Variants in ELMOD2 observed in about 807,000 individuals in gnomAD.
ELMOD2 encodes ELMO domain containing 2, also known as ELMO domain-containing protein 2.
A neutral mutation model predicts 41.0 loss-of-function variants in ELMOD2; 28 were observed. That is an observed-to-expected ratio of 0.68 (90% CI 0.51 to 0.94). The LOEUF (loss-of-function observed/expected upper bound fraction) is 0.94, where lower values mean the gene tolerates loss of function less well. Ranked by LOEUF, ELMOD2 falls within the 40% of genes least tolerant of loss-of-function variation. The pLI, the probability that ELMOD2 is intolerant of heterozygous loss-of-function variation, is 0.00. For synonymous variants in ELMOD2, 106 were observed against 107.2 expected, an observed-to-expected ratio of 0.99 and a Z score of 0.07; for missense variants, 333 against 343.1, an observed-to-expected ratio of 0.97 and a Z score of 0.23.
chr4:140,535,628 T>C, intron 3 of ELMOD2, 105 bp from the exon 4 acceptor site: 3 of 1,017,230 alleles, frequency 2.9e-6, no homozygotes, highest in Non-Finnish European at 4.4e-6. Context: ...TGGGTTTATT[T>C]TGCATTTTTA....
intron 8 of ELMOD2, among the ~76,000 whole-genome samples, chr4:140,549,688 T>A (rs1463024094): frequency 4.7e-5 from 6 of 128,162 alleles, no homozygotes; most frequent in Non-Finnish European, 4.9e-5. Flanking sequence ...CATCTTTTTT[T>A]TTTTTTTTTT....
intron 4 of ELMOD2, 143 bp from the exon 5 acceptor site, chr4:140,537,269 G>A: frequency 1.6e-6 from 1 of 615,110 alleles, no homozygotes; most frequent in South Asian, 2.9e-5. Context: ...ATAATGTTTT[G>A]TATTTAAGGT....
At position 140,553,556 on chromosome 4, in the gene ELMOD2, A is replaced by G. The variant is rs2110896191; in HGVS notation, c.*3181A>G. 6.6e-6 allele frequency: 1 copy of G among 152,256 alleles called. No homozygotes were observed. The highest frequency in any genetic ancestry group is 2.1e-4 in the South Asian group (1 of 4,832). 9.4% of individuals were successfully genotyped at this position (152,256 alleles called of 1,614,324 possible). A position where few individuals can be genotyped will look rare whatever the true frequency, so the allele number is the denominator to read the frequency against. On this transcript the variant is annotated 3_prime_UTR_variant, in exon 9 of 9. Transcript: ENST00000323570. ...TTTAAATGTAGTACAGGTTAGACCC[A>G]ACTACTACCTTACTATTATAGGACG...
At position 140,552,768 on chromosome 4, in the gene ELMOD2, A is replaced by G. The variant is rs914884757; in HGVS notation, c.*2393A>G. On this transcript the variant is annotated 3_prime_UTR_variant, in exon 9 of 9. Coordinates refer to ENST00000323570, the MANE Select transcript of ELMOD2 (RefSeq NM_153702.4). ...GTTTTAGCATCAAAAAAGTAAATAGATGTTGAAATGAATTTTTGTATGTGC... is the reference window on the plus strand; with the variant it reads ...GTTTTAGCATCAAAAAAGTAAATAGGTGTTGAAATGAATTTTTGTATGTGC... 4 of 152,120 alleles carry G rather than the reference A, an allele frequency of 2.6e-5. No individual in the cohort carries two copies. Among genetic ancestry groups the G allele is most frequent in the African/African-American group, 7.2e-5 (3 of 41,446 alleles). 9.4% of individuals were successfully genotyped at this position (152,120 alleles called of 1,614,324 possible). A position where few individuals can be genotyped will look rare whatever the true frequency, so the allele number is the denominator to read the frequency against.
intron 2 of ELMOD2, among the ~76,000 whole-genome samples, chr4:140,527,062 C>A (rs1243438649): frequency 6.6e-6 from 1 of 152,146 alleles, no homozygotes; most frequent in Non-Finnish European, 1.5e-5. Context: ...TGGTTGCTAT[C>A]ACCTCAAATC....
intron 7 of ELMOD2, 129 bp downstream of exon 7, chr4:140,542,771 T>C (rs1382372711): frequency 1.5e-6 from 1 of 646,164 alleles, no homozygotes; most frequent in Non-Finnish European, 2.4e-6. Flanking sequence ...TTAAAGGATA[T>C]TACATGATAC....
At chr4:140,525,322 G>C (rs891099106) in intron 1 of ELMOD2, 98 bp from the exon 2 acceptor site, 2 of 1,257,768 alleles carry the variant, frequency 1.6e-6, no homozygotes, top group African/African-American at 1.5e-5. Context: ...TGAAATGATA[G>C]ATACATAATT....
Position 140,550,842 on chromosome 4 carries a change from G to T in ELMOD2, c.*467G>T. On this transcript the variant is annotated 3_prime_UTR_variant, in exon 9 of 9. Transcript: ENST00000323570. ...TAATTAACAGCAAGTGTTTCTTTATGGTTTTCTTTGTTTGCATCTTAATTA... is the reference window on the plus strand; with the variant it reads ...TAATTAACAGCAAGTGTTTCTTTATTGTTTTCTTTGTTTGCATCTTAATTA... 6.6e-6 allele frequency: 1 copy of T among 152,232 alleles called. No homozygotes were observed. Among genetic ancestry groups the T allele is most frequent in the Admixed American group, 6.6e-5 (1 of 15,240 alleles). 9.4% of individuals were successfully genotyped at this position (152,232 alleles called of 1,614,324 possible).
Position 140,550,401 on chromosome 4 carries a change from A to G in ELMOD2, c.*26A>G, listed in dbSNP as rs373205861. The stretch of plus-strand genomic sequence containing the variant: ...ATCATCCACTGTATCTTCTATTTCT[A>G]CCACATTTTGCACATTCAACAGAAT... On this transcript the variant is annotated 3_prime_UTR_variant, in exon 9 of 9. Transcript: ENST00000323570. 7 of 1,569,888 alleles carry G rather than the reference A, an allele frequency of 4.5e-6. No homozygotes were observed. The African/African-American group carries it at 6.9e-5, about 15-fold the overall frequency.
At chr4:140,545,243 A>G (rs1238795730) in intron 8 of ELMOD2, among the ~76,000 whole-genome samples, 7 of 151,972 alleles carry the variant, frequency 4.6e-5, no homozygotes, top group Non-Finnish European at 1.0e-4. Context: ...AAACATTATC[A>G]TGACTTTTCT....
intron 8 of ELMOD2, among the ~76,000 whole-genome samples, chr4:140,545,158 A>G (rs1281576039): frequency 6.6e-6 from 1 of 152,134 alleles, no homozygotes; most frequent in Non-Finnish European, 1.5e-5. Flanking sequence ...GCCTAATACA[A>G]TCGCCATGTT....
rs1560823014 is a variant in ELMOD2, at chr4:140,527,551, T to TCCA, written c.171+57_171+58insCCA. 8.4e-6 allele frequency: 8 copies of TCCA among 952,538 alleles called. No individual in the cohort carries two copies. The African/African-American group carries it at 1.4e-4, about 17-fold the overall frequency. 59.0% of individuals were successfully genotyped at this position (952,538 alleles called of 1,614,324 possible). A position where few individuals can be genotyped will look rare whatever the true frequency, so the allele number is the denominator to read the frequency against. ...AACTTAACGTGGACATATTTTTTCTTAAAAAAAAAAAAGTGCCCTGCTAGA... is the reference window on the plus strand; with the variant it reads ...AACTTAACGTGGACATATTTTTTCTTCCAAAAAAAAAAAAAGTGCCCTGCTAGA... On this transcript the variant is annotated intron_variant, in intron 3 of 8. Transcript: ENST00000323570.
Position 140,540,401 on chromosome 4 carries a change from T to A in ELMOD2, c.533+100T>A, listed in dbSNP as rs146888299. 7 of 1,437,606 alleles carry A rather than the reference T, an allele frequency of 4.9e-6. No homozygotes were observed. The Admixed American group carries it at 6.3e-5, about 13-fold the overall frequency. The allele number at this position is 1,437,606 out of a possible 1,614,324, so 89.1% of individuals were successfully genotyped here. On this transcript the variant is annotated intron_variant, in intron 6 of 8. Coordinates refer to ENST00000323570, the MANE Select transcript of ELMOD2 (RefSeq NM_153702.4). ...GAAGTGATCTAGTTGATTCATACTA[T>A]CTCTGAATTTTAATAACTGCAGTGC... is the stretch of plus-strand genomic sequence containing the variant.
At position 140,551,930 on chromosome 4, in the gene ELMOD2, G is replaced by T. The variant is rs1735480563; in HGVS notation, c.*1555G>T. ...TAAGATAAAATTATTTTAAAAATTT[G>T]GTTCACTTTATTACAATAGTGGCAA... On this transcript the variant is annotated 3_prime_UTR_variant, in exon 9 of 9. Transcript: ENST00000323570. 1 of 151,876 alleles carries T rather than the reference G, an allele frequency of 6.6e-6. No homozygotes were observed. Among genetic ancestry groups the T allele is most frequent in the Non-Finnish European group, 1.5e-5 (1 of 67,870 alleles). 9.4% of individuals were successfully genotyped at this position (151,876 alleles called of 1,614,324 possible). A position where few individuals can be genotyped will look rare whatever the true frequency, so the allele number is the denominator to read the frequency against.
chr4:140,543,654 T>C, intron 8 of ELMOD2, 68 bp downstream of exon 8: 3 of 1,197,652 alleles, frequency 2.5e-6, no homozygotes, highest in Non-Finnish European at 3.4e-6. Context: ...GAATGTATAA[T>C]ATATATTTTA....
chr4:140,524,530 G>A (rs200597474), intron 1 of ELMOD2: 1 of 925,852 alleles, frequency 1.1e-6, no homozygotes, highest in Non-Finnish European at 1.3e-6. Flanking sequence ...CTGCGCTTTT[G>A]TCCTAATGAG....
At chr4:140,525,948 A>T (rs906285348) in intron 2 of ELMOD2, among the ~76,000 whole-genome samples, 8 of 152,192 alleles carry the variant, frequency 5.3e-5, no homozygotes, top group Non-Finnish European at 8.8e-5. Context: ...ATCCTTCATC[A>T]GTCTTTTACT....
At position 140,542,585 on chromosome 4, in the gene ELMOD2, A is replaced by C. The variant is rs768437575; in HGVS notation, c.545A>C (p.Glu182Ala). Residue 182 changes from glutamate (E) to alanine (A), a missense_variant, in exon 7 of 9, where the codon GAA becomes GCA. By Grantham distance (107) the Glu-to-Ala change is moderately radical. Coordinates refer to ENST00000323570, the MANE Select transcript of ELMOD2 (RefSeq NM_153702.4). ...CTTAAACTTTTTAGGTATTTCAGTG[A>C]AAATTACACTAGTGAAGCTCATCAG... ...LGLINLVYFS[E>A]NYTSEAHQIL... is the part of the protein sequence containing the mutation. 1 of 1,604,944 alleles carries C rather than the reference A, an allele frequency of 6.2e-7. No individual in the cohort carries two copies. The highest frequency in any genetic ancestry group is 1.1e-5 in the South Asian group (1 of 89,526).
chr4:140,526,702 C>T (rs1387270802), intron 2 of ELMOD2: 2 of 152,206 alleles, frequency 1.3e-5, no homozygotes, highest in South Asian at 2.1e-4. Flanking sequence ...TTTCTTACAA[C>T]TTCATGGTTG....
Sources: gnomAD v4.1 joint callset for allele counts (sites outside exome capture counted in the v4.1 genomes callset) on GRCh38, gnomAD v4.1.1 for gene constraint, MANE v1.5 for transcripts, NCBI Gene and HGNC (gene_info 2026-07-23, HGNC 2026-07-21) for gene names.